The following RTN4IP1 variants were observed in gnomAD, a reference collection of about 807,000 sequenced individuals.
RTN4IP1 encodes NAD(P)H oxidoreductase RTN4IP1, mitochondrial.
Under a neutral mutation model 46.6 loss-of-function variants are expected in RTN4IP1, and 32 were observed. The ratio of observed to expected loss-of-function variants is 0.69; its 90% CI spans 0.52 to 0.92. The LOEUF is 0.92. RTN4IP1 is among the 40% of genes least tolerant of loss of function. The pLI is 0.00. For missense variants in RTN4IP1, 424 were observed against 485.8 expected (o/e 0.87, Z 1.20); for synonymous variants, 167 against 161.8 (o/e 1.03, Z -0.24).
chr6:106,621,379 C>G (rs1255238225), intron 3 of RTN4IP1, 46 bp downstream of exon 3: 1 of 1,373,888 alleles, frequency 7.3e-7, no homozygotes, highest in African/African-American at 1.4e-5. Flanking sequence ...ATTTGCCAGT[C>G]TTTGTTTAAA....
intron 8 of RTN4IP1, among the ~76,000 whole-genome samples, chr6:106,578,167 A>C (rs1278799670): frequency 6.6e-6 from 1 of 152,198 alleles, no homozygotes; most frequent in African/African-American, 2.4e-5. Flanking sequence ...ACAGAGTAAA[A>C]TACCAAGAAC....
chr6:106,614,609 G>T (rs4946774), intron 4 of RTN4IP1, among the ~76,000 whole-genome samples: 104,033 of 151,926 alleles, frequency 0.68, 37,437 homozygotes, highest in Non-Finnish European at 0.81. Context: ...ACAAGAAATG[G>T]TCAACAACAA....
intron 4 of RTN4IP1, among the ~76,000 whole-genome samples, chr6:106,613,872 C>T (rs1007924866): frequency 6.6e-6 from 1 of 152,158 alleles, no homozygotes; most frequent in Non-Finnish European, 1.5e-5. Context: ...CCCAGACATT[C>T]CATTTCACTT....
chr6:106,588,815 A>C (rs1233408855), intron 6 of RTN4IP1, among the ~76,000 whole-genome samples: 1 of 152,074 alleles, frequency 6.6e-6, no homozygotes, highest in Non-Finnish European at 1.5e-5. Context: ...TAGAACTAAA[A>C]TAAAGAAGGG....
Position 106,627,743 on chromosome 6 carries a change from CTTTTTTTTTTTTT to C in RTN4IP1, c.274+992_274+1004del, listed in dbSNP as rs759953237. Among the ~76,000 whole-genome samples the C allele has an allele frequency of 2.6e-4, 14 of 52,990 alleles. No individual in the cohort carries two copies. In the East Asian group the frequency reaches 5.4e-3, roughly 21 times the overall value. The allele number at this position is 52,990 out of a possible 152,430, so 34.8% of individuals were successfully genotyped here. A position where few individuals can be genotyped will look rare whatever the true frequency, so the allele number is the denominator to read the frequency against. ...CAATCACAGTAAAGTCATTTCAATG[CTTTTTTTTTTTTT>C]TTTTTTTTTTTTTTTGAGATGGAGT... On this transcript the variant is annotated intron_variant, in intron 1 of 8. Transcript: ENST00000369063.
intron 5 of RTN4IP1, among the ~76,000 whole-genome samples, chr6:106,602,578 C>T (rs1329231867): frequency 6.6e-6 from 1 of 152,156 alleles, no homozygotes; most frequent in African/African-American, 2.4e-5. Context: ...CACACACCCA[C>T]TCATATTAAA....
chr6:106,572,251 G>A, intron 8 of RTN4IP1, 148 bp from the exon 9 acceptor site: 1 of 639,060 alleles, frequency 1.6e-6, no homozygotes. Flanking sequence ...GCTCTCACAA[G>A]GGCCATGATG....
At chr6:106,597,582 A>G (rs1775828078) in intron 5 of RTN4IP1, among the ~76,000 whole-genome samples, 1 of 151,622 alleles carries the variant, frequency 6.6e-6, no homozygotes, top group Non-Finnish European at 1.5e-5. Flanking sequence ...GAGCTCAAGC[A>G]ATCTGCCCTC....
At chr6:106,573,153 C>T (rs77954747) in intron 8 of RTN4IP1, among the ~76,000 whole-genome samples, 2,945 of 152,322 alleles carry the variant, frequency 0.019, 76 homozygotes, top group African/African-American at 0.069. Flanking sequence ...CAGCAACCTC[C>T]TTCTGAAACT....
intron 8 of RTN4IP1, among the ~76,000 whole-genome samples, chr6:106,574,055 G>A (rs764167509): frequency 1.3e-5 from 2 of 152,222 alleles, no homozygotes; most frequent in Non-Finnish European, 2.9e-5. Flanking sequence ...GTGAGACGAA[G>A]CCTATTTGTC....
intron 8 of RTN4IP1, among the ~76,000 whole-genome samples, chr6:106,574,280 T>C (rs556237424): frequency 2.0e-5 from 3 of 151,994 alleles, no homozygotes; most frequent in Admixed American, 6.5e-5. Context: ...CTATCTCCAC[T>C]AAAAATACAA....
intron 2 of RTN4IP1, among the ~76,000 whole-genome samples, chr6:106,621,934 CA>C (rs1183778413): frequency 1.3e-5 from 2 of 151,852 alleles, no homozygotes; most frequent in East Asian, 3.9e-4. Context: ...TTTCTTGGTA[CA>C]AAAGTTCAAA....
At chr6:106,578,914 C>CT (rs71752160) in intron 8 of RTN4IP1, among the ~76,000 whole-genome samples, 17,017 of 144,908 alleles carry the variant, frequency 0.12, 1,027 homozygotes, top group African/African-American at 0.15. Flanking sequence ...TCTTCTTCTT[C>CT]TTTTTTTTTT....
Position 106,583,393 on chromosome 6 carries a change from A to G in RTN4IP1, c.1018T>C (p.Trp340Arg), listed in dbSNP as rs1222163400. The stretch of plus-strand genomic sequence containing the variant: ...GGGCCACTGGCCATGAAAAATGCCC[A>G]GCGATAATGGACTCCTTTCCAGAAA... ...KHFWKGVHYRWAFFMASGPCL... is the reference protein window; with the variant it reads ...KHFWKGVHYRRAFFMASGPCL... The change falls in exon 8 of 9, where the codon TGG (tryptophan) becomes CGG (arginine). Residue 340 changes from tryptophan (W) to arginine (R), a missense_variant. Physicochemically the swap from Trp to Arg is moderately radical, Grantham distance 101. Transcript: ENST00000369063. 1.9e-6 allele frequency: 3 copies of G among 1,613,572 alleles called. No individual in the cohort carries two copies. Among genetic ancestry groups the G allele is most frequent in the African/African-American group, 1.3e-5 (1 of 75,060 alleles).
At chr6:106,592,730 C>A (rs996883343) in intron 5 of RTN4IP1, among the ~76,000 whole-genome samples, 1 of 152,122 alleles carries the variant, frequency 6.6e-6, no homozygotes, top group Admixed American at 6.5e-5. Context: ...TCGAGACCAG[C>A]CTGGCCAACA....
At chr6:106,574,644 G>T (rs941720373) in intron 8 of RTN4IP1, among the ~76,000 whole-genome samples, 1 of 152,156 alleles carries the variant, frequency 6.6e-6, no homozygotes, top group African/African-American at 2.4e-5. Flanking sequence ...GCAGAAAAAT[G>T]CTTCCCCAGT....
At chr6:106,581,247 TAA>T (rs1234272745) in intron 8 of RTN4IP1, among the ~76,000 whole-genome samples, 1 of 152,232 alleles carries the variant, frequency 6.6e-6, no homozygotes, top group South Asian at 2.1e-4. Context: ...TCAAGTATTT[TAA>T]AAGAGTTGGC....
At chr6:106,612,163 G>T (rs890577260) in intron 4 of RTN4IP1, among the ~76,000 whole-genome samples, 3 of 152,068 alleles carry the variant, frequency 2.0e-5, no homozygotes, top group African/African-American at 7.2e-5. Flanking sequence ...AAGGCAGGTG[G>T]ATCACCTGAG....
rs77232391 is a variant in RTN4IP1 at position 106,595,287 on chromosome 6, C to A, written c.670-2987G>T. Among the ~76,000 whole-genome samples the A allele has an allele frequency of 7.6e-3, 1,150 of 152,260 alleles. 42 individuals are homozygous for A. In the East Asian group the frequency reaches 0.12, roughly 16 times the overall value. On this transcript the variant is annotated intron_variant, in intron 5 of 8. Transcript: ENST00000369063. ...ATTTTCTGCAACTCGGCAGATGGATCTGGAGACTAGATCTGATTCCATTTC... is the reference window on the plus strand; with the variant it reads ...ATTTTCTGCAACTCGGCAGATGGATATGGAGACTAGATCTGATTCCATTTC...
Sources: allele counts gnomAD v4.1 joint callset (sites outside exome capture counted in the v4.1 genomes callset), GRCh38; gene constraint gnomAD v4.1.1; transcripts MANE v1.5; gene names NCBI Gene and HGNC (gene_info 2026-07-23, HGNC 2026-07-21).